The following NLGN1 variants were observed in gnomAD, a reference collection of about 807,000 sequenced individuals.
NLGN1 encodes neuroligin-1.
Under a neutral mutation model 65.5 loss-of-function variants are expected in NLGN1, and 12 were observed. The ratio of observed to expected loss-of-function variants is 0.18; its 90% CI spans 0.12 to 0.30. NLGN1 has a LOEUF of 0.30. NLGN1 is among the 10% of genes least tolerant of loss of function. NLGN1 has a pLI of 1.00. For missense variants in NLGN1, 750 were observed against 1,007.1 expected (o/e 0.74, Z 3.46); for synonymous variants, 350 against 359.5 (o/e 0.97, Z 0.30).
At chr3:174,116,756 A>T (rs1277313561) in intron 4 of NLGN1, among the ~76,000 whole-genome samples, 2 of 152,242 alleles carry the variant, frequency 1.3e-5, no homozygotes, top group East Asian at 3.8e-4. Context: ...GTGCGAATGT[A>T]GAATTTAAAT....
chr3:174,265,938 A>C (rs987174830), intron 4 of NLGN1, among the ~76,000 whole-genome samples: 6 of 147,442 alleles, frequency 4.1e-5, no homozygotes, highest in African/African-American at 1.5e-4. Flanking sequence ...ATGTGTATAT[A>C]TGTATATATG....
intron 3 of NLGN1, among the ~76,000 whole-genome samples, chr3:173,733,103 A>T (rs2150065825): frequency 6.6e-6 from 1 of 152,226 alleles, no homozygotes; most frequent in Admixed American, 6.6e-5. Flanking sequence ...ACATTTTAGC[A>T]AAACAACTTA....
chr3:173,759,531 A>G (rs564255060), intron 3 of NLGN1, among the ~76,000 whole-genome samples: 4 of 151,990 alleles, frequency 2.6e-5, no homozygotes, highest in African/African-American at 9.6e-5. Context: ...TGTGACAGCT[A>G]TTTCTTTGAG....
chr3:173,770,543 G>T (rs566006362), intron 3 of NLGN1, among the ~76,000 whole-genome samples: 3 of 152,018 alleles, frequency 2.0e-5, no homozygotes, highest in East Asian at 3.9e-4. Flanking sequence ...ATATTTACTG[G>T]AATATATCTA....
chr3:173,400,593 A>G (rs1048021759), intron 1 of NLGN1, among the ~76,000 whole-genome samples: 14 of 152,142 alleles, frequency 9.2e-5, no homozygotes, highest in African/African-American at 2.7e-4. Flanking sequence ...ACAGAAAAAC[A>G]TTTTAGTTCC....
chr3:174,068,314 G>T (rs1739097261), intron 4 of NLGN1, among the ~76,000 whole-genome samples: 1 of 152,066 alleles, frequency 6.6e-6, no homozygotes, highest in Admixed American at 6.6e-5. Flanking sequence ...CTCCCTTCCA[G>T]CCTGCAACCG....
chr3:173,630,111 A>G (rs1477669063), intron 3 of NLGN1, among the ~76,000 whole-genome samples: 1 of 152,166 alleles, frequency 6.6e-6, no homozygotes, highest in African/African-American at 2.4e-5. Context: ...AATGAACAAA[A>G]TCAGAGCCAG....
chr3:173,917,007 T>G (rs1740871926), intron 4 of NLGN1, among the ~76,000 whole-genome samples: 1 of 152,176 alleles, frequency 6.6e-6, no homozygotes, highest in Admixed American at 6.6e-5. Flanking sequence ...TAAGCTAGTT[T>G]CCAGCCTACT....
intron 4 of NLGN1, among the ~76,000 whole-genome samples, chr3:174,187,886 G>C (rs549210749): frequency 6.6e-6 from 1 of 151,972 alleles, no homozygotes; most frequent in Non-Finnish European, 1.5e-5. Flanking sequence ...TGGACTGCTA[G>C]ATGTCAGGGA....
At chr3:174,242,398 C>CA (rs1743050377) in intron 4 of NLGN1, among the ~76,000 whole-genome samples, 1 of 151,812 alleles carries the variant, frequency 6.6e-6, no homozygotes. Flanking sequence ...CTCACAAAAA[C>CA]AAAAACAAAA....
At position 173,422,888 on chromosome 3, in the gene NLGN1, T is replaced by C. The variant is rs1246715886; in HGVS notation, c.-389-12122T>C. On this transcript the variant is annotated intron_variant, in intron 1 of 6. Coordinates refer to ENST00000457714, the Ensembl canonical transcript of NLGN1. ...CCTTGTCAGATGGATAAACTGCAAG[T>C]ATTTTTTCTGTATTAGTCCATTCTC... Among the ~76,000 whole-genome samples the C allele has an allele frequency of 2.6e-5, 4 of 152,326 alleles. No individual in the cohort carries two copies. The South Asian group carries it at 6.2e-4, about 24-fold the overall frequency.
chr3:174,291,359 GAA>G (rs943791737), downstream of NLGN1, among the ~76,000 whole-genome samples: 1 of 150,630 alleles, frequency 6.6e-6, no homozygotes. Context: ...CAATACAACA[GAA>G]AAAAATTTGA....
At chr3:173,769,144 GT>G (rs892637237) in intron 3 of NLGN1, among the ~76,000 whole-genome samples, 4 of 152,122 alleles carry the variant, frequency 2.6e-5, no homozygotes, top group African/African-American at 4.8e-5. Flanking sequence ...AAGAGGCATA[GT>G]TTTGGAGGCA....
intron 4 of NLGN1, among the ~76,000 whole-genome samples, chr3:173,938,775 C>T (rs925687824): frequency 6.6e-6 from 1 of 152,100 alleles, no homozygotes; most frequent in Non-Finnish European, 1.5e-5. Flanking sequence ...ATCTGATCAG[C>T]TCCTACAGTA....
At chr3:173,964,288 A>G (rs1339432759) in intron 4 of NLGN1, among the ~76,000 whole-genome samples, 2 of 152,168 alleles carry the variant, frequency 1.3e-5, no homozygotes, top group African/African-American at 4.8e-5. Context: ...AGACAACACA[A>G]AGTCGTGCAG....
chr3:173,827,122 G>T (rs1470218046), intron 4 of NLGN1, among the ~76,000 whole-genome samples: 1 of 152,038 alleles, frequency 6.6e-6, no homozygotes, highest in Non-Finnish European at 1.5e-5. Context: ...TCTGGGGACA[G>T]AACGTTCTAG....
intron 3 of NLGN1, among the ~76,000 whole-genome samples, chr3:173,734,376 A>G (rs1360304912): frequency 8.2e-6 from 1 of 121,692 alleles, no homozygotes; most frequent in African/African-American, 3.0e-5. Context: ...TCTGTGGATA[A>G]TTCTATTTTT....
Position 173,490,398 on chromosome 3 carries a change from A to G in NLGN1, c.-321+55320A>G, listed in dbSNP as rs556980893. Among the ~76,000 whole-genome samples the G allele has an allele frequency of 4.5e-3, 682 of 152,172 alleles. 8 individuals are homozygous for G. The highest frequency in any genetic ancestry group is 0.015 in the African/African-American group (640 of 41,520). On this transcript the variant is annotated intron_variant, in intron 2 of 6. Transcript: ENST00000457714. ...TTCTCAGGTTTGTCAAAGATCAGAT[A>G]GTTGTAGATGTGTGGTATTATTTCT...
intron 4 of NLGN1, among the ~76,000 whole-genome samples, chr3:174,154,381 C>G (rs1393296827): frequency 6.6e-6 from 1 of 151,988 alleles, no homozygotes; most frequent in African/African-American, 2.4e-5. Context: ...CCCATTTAAT[C>G]TAGGGCTCCC....
Sources: allele counts gnomAD v4.1 joint callset (sites outside exome capture counted in the v4.1 genomes callset), GRCh38; gene constraint gnomAD v4.1.1; transcripts MANE v1.5; gene names NCBI Gene and HGNC (gene_info 2026-07-23, HGNC 2026-07-21).